The following NTM variants were observed in gnomAD, a reference collection of about 807,000 sequenced individuals.
The protein encoded by NTM is neurotrimin.
In NTM, 13 loss-of-function variants were observed where a neutral mutation model predicts 42.1. That is an observed-to-expected ratio of 0.31 (90% CI 0.20 to 0.49). NTM has a LOEUF of 0.49. NTM is among the 20% of genes least tolerant of loss of function. The pLI, the probability that NTM is intolerant of heterozygous loss-of-function variation, is 0.99. For synonymous variants in NTM, 187 were observed against 179.2 expected (o/e 1.04, Z -0.35); for missense variants, 373 against 452.8 (o/e 0.82, Z 1.60).
chr11:132,194,831 T>C lies in NTM; in HGVS notation c.401-17191T>C, dbSNP rs1054079324. 2.4e-4 allele frequency among the ~76,000 whole-genome samples: 35 copies of C among 147,340 alleles called. No individual in the cohort carries two copies. The South Asian group carries it at 7.6e-3, about 32-fold the overall frequency. ...ATTTCTTCCTTTTTTTTTTTTTTTTTTTTTTTTCTGAGACAGGGTCTCACT... is the reference window on the plus strand; with the variant it reads ...ATTTCTTCCTTTTTTTTTTTTTTTTCTTTTTTTCTGAGACAGGGTCTCACT... On this transcript the variant is annotated intron_variant, in intron 3 of 8. Coordinates refer to ENST00000683400, the MANE Select transcript of NTM (RefSeq NM_001352005.2).
chr11:131,646,564 A>AT (rs1182554609), intron 1 of NTM, among the ~76,000 whole-genome samples: 1 of 152,182 alleles, frequency 6.6e-6, no homozygotes, highest in African/African-American at 2.4e-5. Context: ...GAAGTTCCAG[A>AT]TTTTTTATTG....
At chr11:131,456,599 C>T (rs1950917886) in intron 1 of NTM, among the ~76,000 whole-genome samples, 1 of 151,930 alleles carries the variant, frequency 6.6e-6, no homozygotes, top group African/African-American at 2.4e-5. Flanking sequence ...CAGCTCAGCT[C>T]TAAGAGAAAT....
At chr11:131,624,073 T>C (rs1385601924) in intron 1 of NTM, among the ~76,000 whole-genome samples, 1 of 152,196 alleles carries the variant, frequency 6.6e-6, no homozygotes, top group African/African-American at 2.4e-5. Flanking sequence ...CTGGGGCACC[T>C]TGTACTCTGT....
intron 2 of NTM, among the ~76,000 whole-genome samples, chr11:132,021,648 A>G (rs1220359033): frequency 3.3e-5 from 5 of 151,900 alleles, no homozygotes; most frequent in African/African-American, 1.2e-4. Flanking sequence ...ATGTTTTTAA[A>G]TTTTCTTTAA....
chr11:131,789,414 AG>A lies in NTM; in HGVS notation c.83-122149del, dbSNP rs1480117089. Among the ~76,000 whole-genome samples the A allele has an allele frequency of 2.5e-4, 15 of 59,104 alleles. 2 individuals are homozygous for A. Among genetic ancestry groups the A allele is most frequent in the African/African-American group, 1.2e-3 (15 of 12,226 alleles). The allele number at this position is 59,104 out of a possible 152,430, so 38.8% of individuals were successfully genotyped here. ...GCTCAGAAGTATTGCTGCAGTTAAA[AG>A]AAAAAAAGAAGAAGGAAGAAGAAGA... On this transcript the variant is annotated intron_variant, in intron 1 of 8. Transcript: ENST00000683400.
At chr11:131,888,232 T>C (rs544152492) in intron 1 of NTM, among the ~76,000 whole-genome samples, 1 of 151,720 alleles carries the variant, frequency 6.6e-6, no homozygotes, top group South Asian at 2.1e-4. Context: ...ACCCGGGAGG[T>C]GGAGGTTGCA....
chr11:131,894,287 T>C (rs911927491), intron 1 of NTM, among the ~76,000 whole-genome samples: 2 of 152,202 alleles, frequency 1.3e-5, no homozygotes, highest in Non-Finnish European at 2.9e-5. Flanking sequence ...CTATAAAGTA[T>C]TGGCCTAAAG....
At chr11:131,944,929 A>G (rs2060186347) in intron 2 of NTM, among the ~76,000 whole-genome samples, 1 of 152,176 alleles carries the variant, frequency 6.6e-6, no homozygotes, top group Non-Finnish European at 1.5e-5. Context: ...GACTAAGTAA[A>G]TGCGTTTTAT....
intron 2 of NTM, among the ~76,000 whole-genome samples, chr11:131,922,742 C>A (rs1482766465): frequency 6.6e-6 from 1 of 152,180 alleles, no homozygotes. Flanking sequence ...TGCCTGGCAG[C>A]CCCAGCTACC....
chr11:131,441,154 C>A (rs1192153782), intron 1 of NTM, among the ~76,000 whole-genome samples: 4 of 152,158 alleles, frequency 2.6e-5, no homozygotes, highest in Non-Finnish European at 5.9e-5. Context: ...TGATTGCAAG[C>A]CATTGTCTTT....
intron 1 of NTM, among the ~76,000 whole-genome samples, chr11:131,639,480 C>G (rs1254517794): frequency 6.6e-6 from 1 of 152,200 alleles, no homozygotes; most frequent in Non-Finnish European, 1.5e-5. Context: ...TGATATCACA[C>G]CACAGACATC....
chr11:132,159,195 G>A (rs2073824629), intron 3 of NTM, among the ~76,000 whole-genome samples: 1 of 152,136 alleles, frequency 6.6e-6, no homozygotes, highest in Admixed American at 6.5e-5. Flanking sequence ...CTCTCCTTGA[G>A]GGGCTGGACA....
intron 1 of NTM, among the ~76,000 whole-genome samples, chr11:131,401,943 T>C (rs549274225): frequency 1.4e-5 from 2 of 147,678 alleles, no homozygotes; most frequent in South Asian, 4.4e-4. Context: ...GTTACAGATG[T>C]AGGAGAGATT....
At chr11:132,046,858 A>G (rs2078080705) in intron 2 of NTM, among the ~76,000 whole-genome samples, 3 of 152,180 alleles carry the variant, frequency 2.0e-5, no homozygotes, top group Non-Finnish European at 4.4e-5. Flanking sequence ...TCTACCATAT[A>G]TCTATCATCT....
intron 1 of NTM, among the ~76,000 whole-genome samples, chr11:131,659,928 TAAG>T (rs1469048338): frequency 2.0e-5 from 3 of 152,192 alleles, no homozygotes; most frequent in Admixed American, 6.5e-5. Context: ...TATTCAGGCA[TAAG>T]AAGAAGAAGA....
At chr11:131,662,297 T>C (rs2068214136) in intron 1 of NTM, 1 of 152,230 alleles carries the variant, frequency 6.6e-6, no homozygotes, top group Non-Finnish European at 1.5e-5. Flanking sequence ...TCACAAAGCA[T>C]CTTTTTTCAT....
intron 2 of NTM, among the ~76,000 whole-genome samples, chr11:132,045,984 T>C (rs2077930111): frequency 6.6e-6 from 1 of 152,240 alleles, no homozygotes; most frequent in Non-Finnish European, 1.5e-5. Flanking sequence ...TAGAGTTGCT[T>C]ATATAAAGAC....
intron 3 of NTM, among the ~76,000 whole-genome samples, chr11:132,150,121 T>G (rs924448264): frequency 6.6e-6 from 1 of 152,178 alleles, no homozygotes; most frequent in Non-Finnish European, 1.5e-5. Flanking sequence ...ATTCGTGGCA[T>G]GGCGTGAAGG....
chr11:132,154,933 T>C (rs1039691021), intron 3 of NTM, among the ~76,000 whole-genome samples: 4 of 152,236 alleles, frequency 2.6e-5, no homozygotes, highest in African/African-American at 9.6e-5. Context: ...AAAGAATTTA[T>C]TGATGCAAAA....
Sources: allele counts gnomAD v4.1 joint callset (sites outside exome capture counted in the v4.1 genomes callset), GRCh38; gene constraint gnomAD v4.1.1; transcripts MANE v1.5; gene names NCBI Gene and HGNC (gene_info 2026-07-23, HGNC 2026-07-21).